BMP6: variants seen among roughly 807,000 people sequenced by gnomAD.
BMP6 encodes bone morphogenetic protein 6.
Under a neutral mutation model 54.1 loss-of-function variants are expected in BMP6, and 17 were observed. That is an observed-to-expected ratio of 0.31 (90% CI 0.22 to 0.47). The LOEUF is 0.47. Ranked by LOEUF, BMP6 falls within the 20% of genes least tolerant of loss-of-function variation. The probability of loss-of-function intolerance (pLI) is 1.00; values close to 1 mark genes in which losing one functional copy is unlikely to be tolerated. For missense variants in BMP6, 720 were observed against 690.4 expected, an observed-to-expected ratio of 1.04 and a Z score of -0.48; for synonymous variants, 328 against 291.2, an observed-to-expected ratio of 1.13 and a Z score of -1.28.
intron 4 of BMP6, among the ~76,000 whole-genome samples, chr6:7,877,176 C>G (rs905948618): frequency 1.3e-5 from 2 of 152,102 alleles, no homozygotes; most frequent in African/African-American, 4.8e-5. Flanking sequence ...CTCTGGGGTC[C>G]TTAAAGTTAA....
chr6:7,830,278 C>G (rs927105610), intron 1 of BMP6, among the ~76,000 whole-genome samples: 2 of 152,134 alleles, frequency 1.3e-5, no homozygotes, highest in African/African-American at 4.8e-5. Flanking sequence ...TCTATTTCTC[C>G]TTCTCTTAGT....
intron 2 of BMP6, among the ~76,000 whole-genome samples, chr6:7,858,048 C>G (rs994625996): frequency 6.6e-6 from 1 of 152,112 alleles, no homozygotes; most frequent in African/African-American, 2.4e-5. Context: ...CACTCTCATA[C>G]CTACCTGACC....
At chr6:7,761,294 A>G (rs1434122786) in intron 1 of BMP6, among the ~76,000 whole-genome samples, 1 of 152,236 alleles carries the variant, frequency 6.6e-6, no homozygotes, top group Non-Finnish European at 1.5e-5. Flanking sequence ...TTGACAATCA[A>G]AACATTATGC....
chr6:7,763,750 C>T (rs1757646604), intron 1 of BMP6, among the ~76,000 whole-genome samples: 1 of 152,052 alleles, frequency 6.6e-6, no homozygotes, highest in Non-Finnish European at 1.5e-5. Flanking sequence ...AATGCAGGTG[C>T]AGTCCTTGGC....
intron 4 of BMP6, among the ~76,000 whole-genome samples, chr6:7,870,937 A>C (rs1306490657): frequency 2.0e-5 from 3 of 152,078 alleles, no homozygotes; most frequent in Non-Finnish European, 4.4e-5. Context: ...CCTGTCTTGG[A>C]TCTTTAGAGT....
chr6:7,877,478 C>T (rs552190769), intron 4 of BMP6, among the ~76,000 whole-genome samples: 1 of 152,138 alleles, frequency 6.6e-6, no homozygotes, highest in East Asian at 1.9e-4. Flanking sequence ...AAAAAATTAG[C>T]TGGGCATGGT....
chr6:7,873,411 G>A (rs953804344), intron 4 of BMP6, among the ~76,000 whole-genome samples: 1 of 152,182 alleles, frequency 6.6e-6, no homozygotes, highest in African/African-American at 2.4e-5. Flanking sequence ...GATAGGCATG[G>A]GTGGTTGGAG....
chr6:7,761,971 C>T (rs1757619870), intron 1 of BMP6, among the ~76,000 whole-genome samples: 1 of 152,016 alleles, frequency 6.6e-6, no homozygotes, highest in African/African-American at 2.4e-5. Context: ...GATCTCAGCT[C>T]ACTGCAGTGG....
chr6:7,874,934 T>C (rs74534877), intron 4 of BMP6, among the ~76,000 whole-genome samples: 55,043 of 151,792 alleles, frequency 0.36, 11,032 homozygotes, highest in East Asian at 0.65. Flanking sequence ...TGGAGATATA[T>C]ATATATATAG....
In BMP6 at chr6:7,881,400, A is replaced by C. The variant is rs1308680408; in HGVS notation, c.*1057A>C. On this transcript the variant is annotated 3_prime_UTR_variant, in exon 7 of 7. Coordinates refer to ENST00000283147, the MANE Select transcript of BMP6 (RefSeq NM_001718.6). ...AGGCAATTTCATACTAAACTGATTA[A>C]ATAATACATTTATAATCTACAACTG... is the stretch of plus-strand genomic sequence containing the variant. 1.3e-5 allele frequency: 2 copies of C among 152,106 alleles called. No homozygotes were observed. The highest frequency in any genetic ancestry group is 6.5e-5 in the Admixed American group (1 of 15,286). 9.4% of individuals were successfully genotyped at this position (152,106 alleles called of 1,614,324 possible). A position where few individuals can be genotyped will look rare whatever the true frequency, so the allele number is the denominator to read the frequency against.
At chr6:7,739,677 T>TTAAC (rs1762013310) in intron 1 of BMP6, among the ~76,000 whole-genome samples, 2 of 151,812 alleles carry the variant, frequency 1.3e-5, no homozygotes. Flanking sequence ...GTGAAATAAC[T>TTAAC]GTCCCCTACC....
At chr6:7,769,282 G>T (rs532064285) in intron 1 of BMP6, among the ~76,000 whole-genome samples, 48 of 152,204 alleles carry the variant, frequency 3.2e-4, no homozygotes, top group South Asian at 8.3e-4. Context: ...CCTGAGAATT[G>T]TTTCAGCCAG....
In BMP6 at chr6:7,730,735, A is replaced by G. The variant is rs1043029624; in HGVS notation, c.664+3116A>G. Among the ~76,000 whole-genome samples the G allele has an allele frequency of 6.6e-5, 10 of 152,344 alleles. No homozygotes were observed. The East Asian group carries it at 1.2e-3, about 18-fold the overall frequency. ...AATGTTGGATTCTCTATATAGGGAT[A>G]CTAGAGAATTACAGATTTCCTAATT... On this transcript the variant is annotated intron_variant, in intron 1 of 6. Transcript: ENST00000283147.
At chr6:7,796,725 A>G (rs984564973) in intron 1 of BMP6, among the ~76,000 whole-genome samples, 2 of 152,214 alleles carry the variant, frequency 1.3e-5, no homozygotes, top group African/African-American at 4.8e-5. Flanking sequence ...ACCAATACAT[A>G]ATGGAATTTT....
chr6:7,770,890 T>A lies in BMP6; in HGVS notation c.664+43271T>A, dbSNP rs551440308. Among the ~76,000 whole-genome samples, 3 of 152,210 alleles carry A rather than the reference T, an allele frequency of 2.0e-5. No individual in the cohort carries two copies. The South Asian group carries it at 6.2e-4, about 32-fold the overall frequency. ...GCCCAGGCCTCCCTTATTGAGTGAA[T>A]CCATCTCTGTAGGTGGGGCCTGGGC... is the stretch of plus-strand genomic sequence containing the variant. On this transcript the variant is annotated intron_variant, in intron 1 of 6. Transcript: ENST00000283147.
chr6:7,761,968 G>T (rs991141524), intron 1 of BMP6, among the ~76,000 whole-genome samples: 1 of 152,018 alleles, frequency 6.6e-6, no homozygotes, highest in Non-Finnish European at 1.5e-5. Flanking sequence ...TGTGATCTCA[G>T]CTCACTGCAG....
At chr6:7,817,980 A>G (rs368526748) in intron 1 of BMP6, among the ~76,000 whole-genome samples, 7 of 152,212 alleles carry the variant, frequency 4.6e-5, no homozygotes, top group African/African-American at 1.7e-4. Flanking sequence ...ACAGGTGGGT[A>G]AATTTAGATC....
intron 4 of BMP6, 93 bp from the exon 5 acceptor site, chr6:7,878,981 C>G (rs559544299): frequency 3.9e-6 from 5 of 1,287,082 alleles, no homozygotes; most frequent in Non-Finnish European, 4.5e-6. Flanking sequence ...GAGCCTAGCA[C>G]AGAGCCTGGC....
chr6:7,880,148 C>T (rs1759690482), intron 6 of BMP6, 46 bp from the exon 7 acceptor site: 1 of 1,614,008 alleles, frequency 6.2e-7, no homozygotes, highest in Non-Finnish European at 8.5e-7. Context: ...AAGCCAAGAC[C>T]AGGTGTCATT....
Sources: allele counts gnomAD v4.1 joint callset (sites outside exome capture counted in the v4.1 genomes callset), GRCh38; gene constraint gnomAD v4.1.1; transcripts MANE v1.5; gene names NCBI Gene and HGNC (gene_info 2026-07-23, HGNC 2026-07-21).